Variants in PDE11A observed in about 807,000 individuals in gnomAD.
The protein encoded by PDE11A is dual 3',5'-cyclic-AMP and -GMP phosphodiesterase 11A.
Under a neutral mutation model 100.5 loss-of-function variants are expected in PDE11A, and 100 were observed. That is an observed-to-expected ratio of 1.00 (90% CI 0.85 to 1.18). PDE11A has a LOEUF of 1.18. PDE11A is among the 50% of genes most tolerant of loss of function. The probability of loss-of-function intolerance (pLI) is 0.00; values close to 1 mark genes in which losing one functional copy is unlikely to be tolerated. For missense variants in PDE11A, 1,141 were observed against 1,152.6 expected (o/e 0.99, Z 0.15); for synonymous variants, 381 against 420.8 (o/e 0.91, Z 1.16).
chr2:177,871,509 T>C (rs1352785673), intron 5 of PDE11A, among the ~76,000 whole-genome samples: 2 of 150,206 alleles, frequency 1.3e-5, no homozygotes, highest in Admixed American at 6.7e-5. Flanking sequence ...TTGGAAGAAA[T>C]GATGAGTCAG....
intron 14 of PDE11A, among the ~76,000 whole-genome samples, chr2:177,700,758 C>G (rs2081184805): frequency 6.6e-6 from 1 of 152,106 alleles, no homozygotes; most frequent in South Asian, 2.1e-4. Context: ...AGAGTTTTAC[C>G]AAATGGGAAT....
chr2:177,714,850 G>C (rs1363175773), intron 12 of PDE11A, among the ~76,000 whole-genome samples: 1 of 152,036 alleles, frequency 6.6e-6, no homozygotes, highest in Admixed American at 6.5e-5. Flanking sequence ...GTCACAGCTT[G>C]TTTCTAGATC....
At chr2:177,812,783 T>C (rs904137522) in intron 9 of PDE11A, among the ~76,000 whole-genome samples, 3 of 152,176 alleles carry the variant, frequency 2.0e-5, no homozygotes, top group Non-Finnish European at 4.4e-5. Flanking sequence ...AGAATGTAGC[T>C]AGCTACATGC....
At chr2:177,832,415 G>A (rs999284305) in intron 6 of PDE11A, among the ~76,000 whole-genome samples, 1 of 152,176 alleles carries the variant, frequency 6.6e-6, no homozygotes, top group Non-Finnish European at 1.5e-5. Context: ...TTTCTCTTGT[G>A]CTGGATGCTT....
At chr2:177,972,421 A>C (rs2085783583) in intron 2 of PDE11A, among the ~76,000 whole-genome samples, 1 of 152,230 alleles carries the variant, frequency 6.6e-6, no homozygotes, top group Non-Finnish European at 1.5e-5. Context: ...CATCCAGTGA[A>C]GTGGTGGGGA....
chr2:177,660,928 GC>G (rs1574017715), intron 19 of PDE11A, among the ~76,000 whole-genome samples: 1 of 152,118 alleles, frequency 6.6e-6, no homozygotes, highest in African/African-American at 2.4e-5. Context: ...CTGGCCACCC[GC>G]CCCTGCCAAA....
intron 1 of PDE11A, among the ~76,000 whole-genome samples, chr2:178,049,502 T>TG (rs1311856549): frequency 6.6e-6 from 1 of 152,020 alleles, no homozygotes. Flanking sequence ...TGACAGTGGG[T>TG]GCAGGACAGT....
chr2:178,093,610 T>C (rs1337917088), intron 2 of PDE11A, among the ~76,000 whole-genome samples: 8 of 152,304 alleles, frequency 5.3e-5, no homozygotes, highest in African/African-American at 1.2e-4. Context: ...CCTGTTATAA[T>C]TGTTATAATT....
intron 2 of PDE11A, among the ~76,000 whole-genome samples, chr2:177,943,329 G>C (rs1037586790): frequency 6.6e-6 from 1 of 152,166 alleles, no homozygotes; most frequent in Non-Finnish European, 1.5e-5. Flanking sequence ...CCATTTTACA[G>C]TCCCACTAGT....
intron 2 of PDE11A, among the ~76,000 whole-genome samples, chr2:177,944,716 C>A (rs1047068881): frequency 4.5e-4 from 69 of 152,218 alleles, no homozygotes; most frequent in African/African-American, 1.7e-3. Context: ...TCCGAGAGAC[C>A]GCCGAGGTGC....
At chr2:177,853,714 T>TGTGTGTGTGTGTGTGTGTGTTTG (rs1558974124) in intron 5 of PDE11A, among the ~76,000 whole-genome samples, 1 of 16,290 alleles carries the variant, frequency 6.1e-5, no homozygotes, top group Non-Finnish European at 1.3e-4. Flanking sequence ...GTGTGTGTGT[T>TGTGTGTGTGTGTGTGTGTGTTTG]TGTGTGTGTG....
At chr2:178,021,837 G>A (rs1002073237) in intron 1 of PDE11A, among the ~76,000 whole-genome samples, 2 of 152,124 alleles carry the variant, frequency 1.3e-5, no homozygotes, top group African/African-American at 4.8e-5. Context: ...CCAGAAAGAG[G>A]GAATAGTATC....
chr2:177,786,036 G>A (rs993214889), intron 9 of PDE11A, among the ~76,000 whole-genome samples: 1 of 152,146 alleles, frequency 6.6e-6, no homozygotes, highest in African/African-American at 2.4e-5. Context: ...AGAGAGCAGT[G>A]GTTCTCCCAG....
At chr2:177,650,418 T>A (rs1574097361) in intron 19 of PDE11A, among the ~76,000 whole-genome samples, 2 of 152,186 alleles carry the variant, frequency 1.3e-5, no homozygotes, top group Non-Finnish European at 2.9e-5. Flanking sequence ...TGTTAAATTA[T>A]CCATTTATCT....
chr2:177,929,170 C>T (rs1314323407), intron 2 of PDE11A, among the ~76,000 whole-genome samples: 2 of 152,152 alleles, frequency 1.3e-5, no homozygotes, highest in African/African-American at 4.8e-5. Context: ...CTAATCTCCT[C>T]CCTCCATTTC....
At chr2:178,064,130 C>T (rs2087009258) in intron 1 of PDE11A, among the ~76,000 whole-genome samples, 2 of 152,036 alleles carry the variant, frequency 1.3e-5, no homozygotes. Flanking sequence ...TATATTATAG[C>T]TAAAAAACTA....
At chr2:178,063,621 T>C (rs994650520) in intron 1 of PDE11A, among the ~76,000 whole-genome samples, 1 of 152,192 alleles carries the variant, frequency 6.6e-6, no homozygotes, top group African/African-American at 2.4e-5. Context: ...CTATGGGCTA[T>C]AGGAGTGGTC....
chr2:177,871,454 C>G (rs1389361759), intron 5 of PDE11A, among the ~76,000 whole-genome samples: 1 of 151,790 alleles, frequency 6.6e-6, no homozygotes. Context: ...CATCATAGAA[C>G]GCTGCTCTGT....
At chr2:177,743,643 C>T (rs904595050) in intron 10 of PDE11A, among the ~76,000 whole-genome samples, 1 of 152,172 alleles carries the variant, frequency 6.6e-6, no homozygotes, top group African/African-American at 2.4e-5. Flanking sequence ...TTTTAAGTGG[C>T]TACCACCTGC....
Sources: allele counts gnomAD v4.1 joint callset (sites outside exome capture counted in the v4.1 genomes callset), GRCh38; gene constraint gnomAD v4.1.1; transcripts MANE v1.5; gene names NCBI Gene and HGNC (gene_info 2026-07-23, HGNC 2026-07-21).